Variants in NTM observed in about 807,000 individuals in gnomAD.
The protein encoded by NTM is neurotrimin.
Under a neutral mutation model 42.1 loss-of-function variants are expected in NTM, and 13 were observed. The observed-to-expected ratio is 0.31, with a 90% CI of 0.20 to 0.49. The LOEUF is 0.49. Ranked by LOEUF, NTM falls within the 20% of genes least tolerant of loss-of-function variation. The probability of loss-of-function intolerance (pLI) is 0.99; values close to 1 mark genes in which losing one functional copy is unlikely to be tolerated. For missense variants in NTM, 373 were observed against 452.8 expected, an observed-to-expected ratio of 0.82 and a Z score of 1.60; for synonymous variants, 187 against 179.2, an observed-to-expected ratio of 1.04 and a Z score of -0.35.
chr11:131,405,484 C>A (rs1181612740), intron 1 of NTM, among the ~76,000 whole-genome samples: 1 of 152,122 alleles, frequency 6.6e-6, no homozygotes, highest in Non-Finnish European at 1.5e-5. Flanking sequence ...CCCTTAACAT[C>A]AAATCCATTA....
chr11:131,882,569 G>T (rs578002513), intron 1 of NTM, among the ~76,000 whole-genome samples: 1 of 152,334 alleles, frequency 6.6e-6, no homozygotes, highest in African/African-American at 2.4e-5. Flanking sequence ...TGATAGAGAA[G>T]TTACTTCATC....
intron 2 of NTM, among the ~76,000 whole-genome samples, chr11:131,966,874 G>A (rs1176173702): frequency 2.0e-5 from 3 of 152,336 alleles, no homozygotes; most frequent in Non-Finnish European, 2.9e-5. Context: ...AGCTGCTGCT[G>A]TTGTCACTCA....
At chr11:132,102,304 C>T (rs4462361) in intron 2 of NTM, among the ~76,000 whole-genome samples, 19,487 of 152,210 alleles carry the variant, frequency 0.13, 1,476 homozygotes, top group South Asian at 0.2. Flanking sequence ...ACAGGGGCTA[C>T]GTGGTTTTTC....
chr11:131,754,834 T>C (rs2083109710), intron 1 of NTM, among the ~76,000 whole-genome samples: 1 of 151,914 alleles, frequency 6.6e-6, no homozygotes, highest in South Asian at 2.1e-4. Flanking sequence ...ATCCAAACAA[T>C]GAAATATGAC....
At chr11:131,601,485 A>G (rs891903078) in intron 1 of NTM, among the ~76,000 whole-genome samples, 6 of 152,208 alleles carry the variant, frequency 3.9e-5, no homozygotes, top group African/African-American at 1.4e-4. Flanking sequence ...TAATTAAATC[A>G]TTTGTTTTAA....
chr11:131,660,886 G>C (rs1321406937), intron 1 of NTM: 7 of 1,271,178 alleles, frequency 5.5e-6, no homozygotes, highest in Non-Finnish European at 7.2e-6. Flanking sequence ...AAGAACTTGT[G>C]TGTAATGTGA....
At chr11:131,910,611 C>T (rs2054654738) in intron 1 of NTM, among the ~76,000 whole-genome samples, 1 of 150,602 alleles carries the variant, frequency 6.6e-6, no homozygotes, top group Non-Finnish European at 1.5e-5. Context: ...GGCCCGCGCG[C>T]GTCGGGGCTG....
At chr11:132,268,243 T>C (rs1275615194) in intron 4 of NTM, among the ~76,000 whole-genome samples, 3 of 152,212 alleles carry the variant, frequency 2.0e-5, no homozygotes, top group Non-Finnish European at 4.4e-5. Context: ...TAGAATCCCA[T>C]ATTTTTCTTA....
chr11:131,885,264 C>G (rs1402872323), intron 1 of NTM, among the ~76,000 whole-genome samples: 3 of 152,202 alleles, frequency 2.0e-5, no homozygotes, highest in Non-Finnish European at 2.9e-5. Context: ...CCTGCCCTCA[C>G]AGGGCTTCCA....
intron 2 of NTM, among the ~76,000 whole-genome samples, chr11:132,035,906 A>G (rs138957473): frequency 6.6e-6 from 1 of 152,134 alleles, no homozygotes; most frequent in Admixed American, 6.5e-5. Context: ...TTTAACAGCT[A>G]AGAATTCCCT....
At position 131,663,477 on chromosome 11, in the gene NTM, G is replaced by C. The variant is rs577831316; in HGVS notation, c.83-248087G>C. ...TTCCTCTCTCTGCCTCTGGTCCTGA[G>C]GCCTTCCTTGACCGCTCTGTCTGTC... On this transcript the variant is annotated intron_variant, in intron 1 of 8. Transcript: ENST00000683400. The C allele has an allele frequency of 3.3e-5, 5 of 152,518 alleles. No homozygotes were observed. In the East Asian group the frequency reaches 9.6e-4, roughly 29 times the overall value. The allele number at this position is 152,518 out of a possible 1,614,324, so 9.4% of individuals were successfully genotyped here. A position where few individuals can be genotyped will look rare whatever the true frequency, so the allele number is the denominator to read the frequency against.
At chr11:132,174,927 T>C (rs2137915285) in intron 3 of NTM, among the ~76,000 whole-genome samples, 1 of 152,246 alleles carries the variant, frequency 6.6e-6, no homozygotes, top group Middle Eastern at 3.4e-3. Context: ...TCACATGCTC[T>C]TCTCTTCTGG....
chr11:131,874,030 A>AATATTAT (rs1555162936), intron 1 of NTM, among the ~76,000 whole-genome samples: 1 of 76,632 alleles, frequency 1.3e-5, no homozygotes, highest in African/African-American at 3.7e-5. Context: ...AATATAATAT[A>AATATTAT]ATATATATAT....
intron 4 of NTM, among the ~76,000 whole-genome samples, chr11:132,266,007 G>T (rs960314805): frequency 6.6e-6 from 1 of 152,148 alleles, no homozygotes; most frequent in Admixed American, 6.5e-5. Flanking sequence ...ACAGGGTGCT[G>T]TTCTAGGAGG....
chr11:131,596,326 GAC>G (rs1442474333), intron 1 of NTM, among the ~76,000 whole-genome samples: 2 of 152,222 alleles, frequency 1.3e-5, no homozygotes, highest in Admixed American at 6.5e-5. Context: ...TAAAGAGTGA[GAC>G]AGTGAATATT....
chr11:132,243,646 A>C (rs750502202), intron 4 of NTM, among the ~76,000 whole-genome samples: 1 of 152,224 alleles, frequency 6.6e-6, no homozygotes, highest in African/African-American at 2.4e-5. Context: ...TCCTTTGCTG[A>C]AAATGGAGTG....
chr11:131,428,991 G>A (rs1948433190), intron 1 of NTM, among the ~76,000 whole-genome samples: 1 of 152,042 alleles, frequency 6.6e-6, no homozygotes, highest in Admixed American at 6.6e-5. Context: ...GGAGGTGGAG[G>A]TTGCAGTAAG....
rs138628010 is a variant in NTM at position 131,778,381 on chromosome 11, T to C, written c.83-133183T>C. ...TGCTTAAGATTCTATTTGGTGTTGA[T>C]AAAGTTGAATGAGAAACTTAAAAGT... On this transcript the variant is annotated intron_variant, in intron 1 of 8. Coordinates refer to ENST00000683400, the MANE Select transcript of NTM (RefSeq NM_001352005.2). 5.9e-3 allele frequency among the ~76,000 whole-genome samples: 893 copies of C among 152,344 alleles called. 2 individuals are homozygous for C. The highest frequency in any genetic ancestry group is 0.031 in the South Asian group (150 of 4,826).
rs569960536 is a variant in NTM at position 131,374,357 on chromosome 11, G to A, written c.82+3469G>A. On this transcript the variant is annotated intron_variant, in intron 1 of 8. Transcript: ENST00000683400. ...TGCCTGGAGAGTGTCTGCCCTGGCC[G>A]GCAGGTCTCGCTGCATGAAGACCAT... Among the ~76,000 whole-genome samples, 5 of 152,352 alleles carry A rather than the reference G, an allele frequency of 3.3e-5. No homozygotes were observed. The South Asian group carries it at 8.3e-4, about 25-fold the overall frequency.
Sources: allele counts gnomAD v4.1 joint callset (sites outside exome capture counted in the v4.1 genomes callset), GRCh38; gene constraint gnomAD v4.1.1; transcripts MANE v1.5; gene names NCBI Gene and HGNC (gene_info 2026-07-23, HGNC 2026-07-21).